Variants in IQSEC3 observed in about 807,000 individuals in gnomAD.
IQSEC3 encodes IQ motif and Sec7 domain ArfGEF 3, also known as IQ motif and SEC7 domain-containing protein 3.
In IQSEC3, 50 loss-of-function variants were observed where a neutral mutation model predicts 105.4. That is an observed-to-expected ratio of 0.47 (90% CI 0.38 to 0.60). IQSEC3 has a LOEUF of 0.60. Among genes scored for constraint, IQSEC3 ranks in the 20% least tolerant of loss-of-function variants. The pLI is 0.00. For synonymous variants in IQSEC3, 708 were observed against 746.0 expected, an observed-to-expected ratio of 0.95 and a Z score of 0.83; for missense variants, 1,415 against 1,630.0, an observed-to-expected ratio of 0.87 and a Z score of 2.27.
intron 3 of IQSEC3, among the ~76,000 whole-genome samples, chr12:127,494 C>T (rs914089169): frequency 8.6e-5 from 13 of 151,758 alleles, no homozygotes; most frequent in South Asian, 2.1e-4. Flanking sequence ...CCAGCCTGGG[C>T]GACAGAGTGA....
intron 2 of IQSEC3, among the ~76,000 whole-genome samples, chr12:110,903 C>A (rs782781074): frequency 6.6e-6 from 1 of 152,136 alleles, no homozygotes. Context: ...TTAGAAGGAA[C>A]GGGGAAATTC....
intron 1 of IQSEC3, among the ~76,000 whole-genome samples, chr12:93,744 C>A (rs1555074106): frequency 6.6e-6 from 1 of 152,178 alleles, no homozygotes; most frequent in African/African-American, 2.4e-5. Context: ...GGAGGTGGGG[C>A]CTAACTCGAG....
rs553871388 is a variant in IQSEC3 at position 94,135 on chromosome 12, T to G, written c.555-5011T>G. On this transcript the variant is annotated intron_variant, in intron 1 of 13. Coordinates refer to ENST00000538872, the MANE Select transcript of IQSEC3 (RefSeq NM_001170738.2). ...CCTGAGGCAGGGACTGCAGTGATGC[T>G]TCTTTGCATACTCAAGCATTGAGTG... Among the ~76,000 whole-genome samples, 65 of 152,370 alleles carry G rather than the reference T, an allele frequency of 4.3e-4. 3 individuals carry two copies. In the South Asian group the frequency reaches 0.013, roughly 31 times the overall value.
intron 9 of IQSEC3, chr12:165,227 T>C (rs1472756539): frequency 6.7e-6 from 4 of 594,378 alleles, no homozygotes; most frequent in Middle Eastern, 4.4e-4. Context: ...GGCTTCTAAG[T>C]ACAGAGGGAA....
chr12:123,037 AG>A (rs1384127347), intron 2 of IQSEC3, among the ~76,000 whole-genome samples: 1 of 152,190 alleles, frequency 6.6e-6, no homozygotes, highest in East Asian at 1.9e-4. Flanking sequence ...AAGAGATGTC[AG>A]GTAATACAGC....
intron 1 of IQSEC3, among the ~76,000 whole-genome samples, chr12:87,224 G>A (rs75740863): frequency 0.019 from 2,830 of 152,154 alleles, 102 homozygotes; most frequent in African/African-American, 0.064. Flanking sequence ...GTCATCAAGC[G>A]GCTGTCAAGC....
At chr12:169,169 G>A in intron 12 of IQSEC3, 64 bp downstream of exon 12, 1 of 1,362,560 alleles carries the variant, frequency 7.3e-7, no homozygotes, top group African/African-American at 1.4e-5. Flanking sequence ...CCTGGGTGTG[G>A]GTCCTGGGCA....
At position 171,166 on chromosome 12, in the gene IQSEC3, G is replaced by T; in HGVS notation, c.3114+5G>T. The T allele has an allele frequency of 6.2e-7, 1 of 1,614,130 alleles. No homozygotes were observed. On this transcript the variant is annotated splice_donor_5th_base_variant and intron_variant, in intron 13 of 13. Coordinates refer to ENST00000538872, the MANE Select transcript of IQSEC3 (RefSeq NM_001170738.2). ...CCGGCGGAGAGCACGGTGGAGGTAAGTGGAGCCCTGGTTGCCCAGGTGAGT... is the reference window on the plus strand; with the variant it reads ...CCGGCGGAGAGCACGGTGGAGGTAATTGGAGCCCTGGTTGCCCAGGTGAGT...
intron 3 of IQSEC3, among the ~76,000 whole-genome samples, chr12:131,971 C>A (rs147401796): frequency 6.6e-6 from 1 of 152,036 alleles, no homozygotes; most frequent in African/African-American, 2.4e-5. Flanking sequence ...TATTTGATGC[C>A]GTGAATAACT....
At chr12:136,396 G>A (rs188329875) in intron 3 of IQSEC3, among the ~76,000 whole-genome samples, 3 of 152,294 alleles carry the variant, frequency 2.0e-5, no homozygotes, top group East Asian at 3.9e-4. Context: ...CTCTGCTAGC[G>A]TGGAATGGGG....
At chr12:130,086 C>G (rs1865539040) in intron 3 of IQSEC3, among the ~76,000 whole-genome samples, 1 of 152,228 alleles carries the variant, frequency 6.6e-6, no homozygotes, top group Non-Finnish European at 1.5e-5. Flanking sequence ...GGTTGTCCCT[C>G]TCCCCGGTTC....
chr12:95,621 A>G (rs981627130), intron 1 of IQSEC3, among the ~76,000 whole-genome samples: 1 of 152,178 alleles, frequency 6.6e-6, no homozygotes, highest in African/African-American at 2.4e-5. Flanking sequence ...GCCAATGTTA[A>G]TACTTGGGTT....
chr12:169,522 G>A (rs556354442), intron 12 of IQSEC3, among the ~76,000 whole-genome samples: 35 of 152,170 alleles, frequency 2.3e-4, no homozygotes, highest in Non-Finnish European at 8.8e-5. Flanking sequence ...AGAAGGATCT[G>A]GATCTTGCTC....
chr12:108,091 TCCCTAA>T (rs376120802), intron 2 of IQSEC3, among the ~76,000 whole-genome samples: 73 of 152,214 alleles, frequency 4.8e-4, no homozygotes, highest in South Asian at 4.4e-3. Context: ...ACAAGCCTGT[TCCCTAA>T]CCCTAACCCT....
At chr12:164,205 G>A (rs782784297) in intron 9 of IQSEC3, among the ~76,000 whole-genome samples, 7 of 152,220 alleles carry the variant, frequency 4.6e-5, no homozygotes, top group Admixed American at 6.5e-5. Context: ...CCCTCGCACC[G>A]GCCCTCTCTA....
chr12:74,658 G>T (rs1863450443), intron 1 of IQSEC3, among the ~76,000 whole-genome samples: 2 of 152,246 alleles, frequency 1.3e-5, no homozygotes, highest in Non-Finnish European at 2.9e-5. Context: ...CCCGTGCTCT[G>T]TGCTGGCATC....
intron 1 of IQSEC3, among the ~76,000 whole-genome samples, chr12:79,067 G>A (rs1303563316): frequency 1.3e-5 from 2 of 152,172 alleles, no homozygotes; most frequent in South Asian, 2.1e-4. Context: ...CTACTTTCAG[G>A]AGAACATACC....
chr12:164,348 C>T (rs1867068798), intron 9 of IQSEC3, among the ~76,000 whole-genome samples: 2 of 152,098 alleles, frequency 1.3e-5, no homozygotes, highest in Admixed American at 6.5e-5. Context: ...CGGCTCTCCC[C>T]ACCCCCCTGA....
At chr12:98,347 G>A (rs1348488182) in intron 1 of IQSEC3, among the ~76,000 whole-genome samples, 2 of 152,142 alleles carry the variant, frequency 1.3e-5, no homozygotes, top group Non-Finnish European at 2.9e-5. Context: ...AAAAAGTCCC[G>A]GTGCCCTGGA....
Sources: allele counts gnomAD v4.1 joint callset (sites outside exome capture counted in the v4.1 genomes callset), GRCh38; gene constraint gnomAD v4.1.1; transcripts MANE v1.5; gene names NCBI Gene and HGNC (gene_info 2026-07-23, HGNC 2026-07-21).